The following RAB3GAP2 variants were observed in gnomAD, a reference collection of about 807,000 sequenced individuals.
The protein encoded by RAB3GAP2 is RAB3 GTPase activating non-catalytic protein subunit 2.
In RAB3GAP2, 87 loss-of-function variants were observed where a neutral mutation model predicts 185.3. That is an observed-to-expected ratio of 0.47 (90% CI 0.39 to 0.56). The LOEUF (loss-of-function observed/expected upper bound fraction) is 0.56. RAB3GAP2 is among the 20% of genes least tolerant of loss of function. The pLI is 0.00. For missense variants in RAB3GAP2, 1,492 were observed against 1,638.2 expected (o/e 0.91, Z 1.54); for synonymous variants, 554 against 576.1 (o/e 0.96, Z 0.55).
chr1:220,187,664 G>C (rs1346725513), intron 17 of RAB3GAP2, among the ~76,000 whole-genome samples: 1 of 152,084 alleles, frequency 6.6e-6, no homozygotes, highest in Non-Finnish European at 1.5e-5. Flanking sequence ...CTGGATAGCT[G>C]AACGTGTAGA....
chr1:220,167,985 CA>C (rs1186701187), intron 24 of RAB3GAP2, among the ~76,000 whole-genome samples: 5 of 151,674 alleles, frequency 3.3e-5, no homozygotes, highest in African/African-American at 9.7e-5. Context: ...TTACCAGAGA[CA>C]AAAAAAATTA....
chr1:220,254,338 G>A, intron 1 of RAB3GAP2: 1 of 1,613,506 alleles, frequency 6.2e-7, no homozygotes, highest in Non-Finnish European at 8.5e-7. Context: ...CATGTCCCAG[G>A]TGTATGGAGC....
intron 1 of RAB3GAP2, among the ~76,000 whole-genome samples, chr1:220,243,227 G>A (rs1659731704): frequency 6.6e-6 from 1 of 151,778 alleles, no homozygotes. Flanking sequence ...GGTGGCAGGC[G>A]CCTGTAGTCC....
In RAB3GAP2 at chr1:220,171,954, G is replaced by C; in HGVS notation, c.2512C>G (p.Leu838Val). ...CIQSENNGAALLSAHVGHSVA... is the reference protein window; with the variant it reads ...CIQSENNGAAVLSAHVGHSVA... ...GAATGCCCAACATGCGCAGACAACA[G>C]AGCGGCTCCATTGTTCTCAGACTGA... is the stretch of plus-strand genomic sequence containing the variant. The change falls in exon 23 of 35, where the codon CTG (leucine) becomes GTG (valine). Residue 838 changes from leucine (L) to valine (V), a missense_variant. Leu to Val is a conservative substitution (Grantham distance 32). Around this residue, in one of 5 missense-constraint regions of RAB3GAP2, gnomAD observed 681 missense variants for 689.1 expected, o/e 0.99. Transcript: ENST00000358951. 1 of 1,614,194 alleles carries C rather than the reference G, an allele frequency of 6.2e-7. No individual in the cohort carries two copies. The highest frequency in any genetic ancestry group is 8.5e-7 in the Non-Finnish European group (1 of 1,180,038).
Position 220,205,939 on chromosome 1 carries a change from G to A in RAB3GAP2, c.680C>T (p.Ser227Phe). 1 of 1,610,156 alleles carries A rather than the reference G, an allele frequency of 6.2e-7. No individual in the cohort carries two copies. The highest frequency in any genetic ancestry group is 8.5e-7 in the Non-Finnish European group (1 of 1,176,810). ...TACCTGATTTCGACAAGCACGAAGAGATTGAAAAAGGCTAAATCCATCAAT... is the reference window on the plus strand; with the variant it reads ...TACCTGATTTCGACAAGCACGAAGAAATTGAAAAAGGCTAAATCCATCAAT... ...VTIDGFSLFQ[S>F]LRACRNQVAK... Residue 227 changes from serine (S) to phenylalanine (F), a missense_variant, in exon 8 of 35, where the codon TCT becomes TTT. This residue lies in a region of RAB3GAP2 where 243 missense variants were observed against 314.8 expected (regional missense o/e 0.77). Transcript: ENST00000358951.
intron 1 of RAB3GAP2, among the ~76,000 whole-genome samples, chr1:220,262,141 A>C (rs1057069811): frequency 3.3e-5 from 5 of 151,320 alleles, no homozygotes; most frequent in African/African-American, 1.2e-4. Flanking sequence ...TACAAAAAAA[A>C]AAAAAAAAAA....
At chr1:220,170,764 T>C in intron 24 of RAB3GAP2, 128 bp downstream of exon 24, 3 of 817,334 alleles carry the variant, frequency 3.7e-6, no homozygotes, top group Admixed American at 2.2e-5. Flanking sequence ...AGGTAGTATA[T>C]AGAAGGTTAT....
chr1:220,229,488 G>A (rs1009235507), intron 2 of RAB3GAP2, among the ~76,000 whole-genome samples: 1 of 152,030 alleles, frequency 6.6e-6, no homozygotes, highest in Non-Finnish European at 1.5e-5. Context: ...GCCATAAAGC[G>A]GCACACCCTT....
At chr1:220,220,391 T>C (rs1659284808) in intron 2 of RAB3GAP2, 1 of 152,504 alleles carries the variant, frequency 6.6e-6, no homozygotes, top group South Asian at 2.1e-4. Flanking sequence ...TATGAAAAAG[T>C]CCAGGCTCTC....
chr1:220,254,210 T>C, intron 1 of RAB3GAP2: 1 of 1,613,496 alleles, frequency 6.2e-7, no homozygotes. Context: ...GAGTATGCGG[T>C]TAATGAAGTT....
intron 7 of RAB3GAP2, among the ~76,000 whole-genome samples, chr1:220,208,558 A>G (rs1659013977): frequency 1.3e-5 from 2 of 152,206 alleles, no homozygotes; most frequent in South Asian, 4.1e-4. Flanking sequence ...CAACATGTGC[A>G]AAACCTCATT....
rs200407685 is a variant in RAB3GAP2, at chr1:220,167,690, C to T, written c.2807-15G>A. ...TGCAATGCCACCTATAGTTTGGAGA[C>T]AAGAAAGAAAATAAAAATTTACAAC... On this transcript the variant is annotated splice_polypyrimidine_tract_variant and intron_variant, in intron 24 of 34. Transcript: ENST00000358951. 819 of 1,612,078 alleles carry T rather than the reference C, an allele frequency of 5.1e-4. 10 individuals are homozygous for T. Among genetic ancestry groups the T allele is most frequent in the South Asian group, 4.3e-3 (395 of 91,070 alleles).
rs1255690641 is a variant in RAB3GAP2 at position 220,152,304 on chromosome 1, T to G, written c.3868-540A>C. 2.6e-5 allele frequency among the ~76,000 whole-genome samples: 4 copies of G among 152,356 alleles called. No homozygotes were observed. In the East Asian group the frequency reaches 7.7e-4, roughly 29 times the overall value. ...GTTGCCCAGGCTGGTCTTGAACTCC[T>G]GACCTCAAGTGATCCACCCACCTTG... On this transcript the variant is annotated intron_variant, in intron 33 of 34. Transcript: ENST00000358951.
chr1:220,246,725 T>A (rs925648700), intron 1 of RAB3GAP2, among the ~76,000 whole-genome samples: 5 of 130,460 alleles, frequency 3.8e-5, no homozygotes, highest in Admixed American at 7.8e-5. Context: ...AACAATGAGA[T>A]CACATGGACA....
At chr1:220,260,766 G>A (rs1210928054) in intron 1 of RAB3GAP2, among the ~76,000 whole-genome samples, 1 of 151,788 alleles carries the variant, frequency 6.6e-6, no homozygotes, top group African/African-American at 2.4e-5. Context: ...AGAAGAAGAA[G>A]AAAAAAGTCT....
intron 24 of RAB3GAP2, among the ~76,000 whole-genome samples, chr1:220,170,275 G>A (rs1016147216): frequency 9.2e-5 from 14 of 152,166 alleles, no homozygotes; most frequent in African/African-American, 1.4e-4. Flanking sequence ...GGGGGATTGC[G>A]GGGCTAGGGA....
At chr1:220,270,956 G>A (rs1660323185) in intron 1 of RAB3GAP2, among the ~76,000 whole-genome samples, 1 of 152,072 alleles carries the variant, frequency 6.6e-6, no homozygotes, top group Non-Finnish European at 1.5e-5. Flanking sequence ...GCTTTTCTTA[G>A]TTCTCTAAAT....
rs533285741 is a variant in RAB3GAP2, at chr1:220,197,026, G to A, written c.812-628C>T. Among the ~76,000 whole-genome samples, 237 of 149,908 alleles carry A rather than the reference G, an allele frequency of 1.6e-3. 2 individuals are homozygous for A. The highest frequency in any genetic ancestry group is 5.6e-3 in the African/African-American group (229 of 40,804). On this transcript the variant is annotated intron_variant, in intron 9 of 34. Transcript: ENST00000358951. ...TTTTGAGATGGCGTCTCACCCTGTC[G>A]CCCAGGCTGGAGTGCAATGGTGCAA...
chr1:220,257,720 C>G (rs1427247352), intron 1 of RAB3GAP2, among the ~76,000 whole-genome samples: 1 of 151,788 alleles, frequency 6.6e-6, no homozygotes, highest in Admixed American at 6.6e-5. Flanking sequence ...AAGAAATAAC[C>G]AAGATCAGAG....
Sources: allele counts gnomAD v4.1 joint callset (sites outside exome capture counted in the v4.1 genomes callset), GRCh38; gene constraint gnomAD v4.1.1; regional missense constraint gnomAD v4.1.1; transcripts MANE v1.5; gene names NCBI Gene and HGNC (gene_info 2026-07-23, HGNC 2026-07-21).